Variants in NCOA7 observed in about 807,000 individuals in gnomAD.
NCOA7 encodes 140 kDa estrogen receptor-associated protein.
NCOA7 carries 45 observed loss-of-function variants against 104.3 expected under a neutral mutation model. The ratio of observed to expected loss-of-function variants is 0.43; its 90% confidence interval spans 0.34 to 0.55. The LOEUF (loss-of-function observed/expected upper bound fraction) is 0.55, where lower values mean the gene tolerates loss of function less well. Among genes scored for constraint, NCOA7 ranks in the 20% least tolerant of loss-of-function variants. The pLI is 0.02. For missense variants in NCOA7, 1,041 were observed against 1,119.7 expected, an observed-to-expected ratio of 0.93 and a Z score of 1.00; for synonymous variants, 398 against 402.3, an observed-to-expected ratio of 0.99 and a Z score of 0.13.
intron 2 of NCOA7, among the ~76,000 whole-genome samples, chr6:125,827,887 T>C (rs1178522166): frequency 6.6e-6 from 1 of 152,224 alleles, no homozygotes; most frequent in East Asian, 1.9e-4. Flanking sequence ...TTTAGGAATT[T>C]GGATTGAACA....
chr6:125,840,867 G>GTTTTTTTTTTTTTT (rs1305583308), intron 2 of NCOA7, among the ~76,000 whole-genome samples: 4 of 50,658 alleles, frequency 7.9e-5, no homozygotes, highest in Non-Finnish European at 1.1e-4. Context: ...TTGTTTGGTT[G>GTTTTTTTTTTTTTT]GTTTTTTTTT....
At chr6:125,834,471 C>T (rs1037505980) in intron 2 of NCOA7, among the ~76,000 whole-genome samples, 1 of 152,152 alleles carries the variant, frequency 6.6e-6, no homozygotes, top group African/African-American at 2.4e-5. Context: ...AAGCTAACTT[C>T]TTGGTAGAGG....
At chr6:125,809,909 AG>A (rs772450396) in intron 1 of NCOA7, among the ~76,000 whole-genome samples, 4 of 152,222 alleles carry the variant, frequency 2.6e-5, no homozygotes, top group Non-Finnish European at 4.4e-5. Flanking sequence ...GAATCCAAAA[AG>A]CCATGCTTTG....
intron 2 of NCOA7, among the ~76,000 whole-genome samples, chr6:125,847,013 A>G (rs1162765533): frequency 1.3e-5 from 2 of 152,242 alleles, no homozygotes; most frequent in East Asian, 1.9e-4. Flanking sequence ...AAAAAATTTG[A>G]CAATATTTGT....
rs376518871 is a variant in NCOA7 at position 125,926,132 on chromosome 6, G to A, written c.2524-1531G>A. Among the ~76,000 whole-genome samples, 975 of 152,130 alleles carry A rather than the reference G, an allele frequency of 6.4e-3. 16 individuals carry two copies. Among genetic ancestry groups the A allele is most frequent in the African/African-American group, 0.022 (908 of 41,492 alleles). ...TCCAGACCAGCCTGACCAACGTGGTGAAACCCCGTCTCTACTAAAAGTACA... is the reference window on the plus strand; with the variant it reads ...TCCAGACCAGCCTGACCAACGTGGTAAAACCCCGTCTCTACTAAAAGTACA... On this transcript the variant is annotated intron_variant, in intron 13 of 15. Coordinates refer to ENST00000392477, the MANE Select transcript of NCOA7 (RefSeq NM_181782.5).
chr6:125,793,928 C>T (rs1221198124), intron 1 of NCOA7, among the ~76,000 whole-genome samples: 3 of 152,158 alleles, frequency 2.0e-5, no homozygotes, highest in African/African-American at 7.2e-5. Context: ...TTTTCTGTTG[C>T]TAAATTTGAT....
chr6:125,886,038 C>A (rs965158762), intron 8 of NCOA7, among the ~76,000 whole-genome samples: 4 of 152,024 alleles, frequency 2.6e-5, no homozygotes, highest in African/African-American at 9.7e-5. Context: ...ACTGTCCTTT[C>A]GCTCTACTGT....
chr6:125,818,377 A>C (rs1478817401), intron 2 of NCOA7, among the ~76,000 whole-genome samples: 2 of 152,192 alleles, frequency 1.3e-5, no homozygotes, highest in African/African-American at 2.4e-5. Flanking sequence ...CTTGCTTATC[A>C]TGACCTCTTC....
intron 2 of NCOA7, chr6:125,818,810 T>G (rs777799441): frequency 6.6e-6 from 1 of 152,394 alleles, no homozygotes; most frequent in African/African-American, 2.4e-5. Flanking sequence ...CAGAACTTAC[T>G]TGAAAGCTGG....
chr6:125,792,063 A>G (rs1353864149), intron 1 of NCOA7, among the ~76,000 whole-genome samples: 1 of 152,186 alleles, frequency 6.6e-6, no homozygotes, highest in African/African-American at 2.4e-5. Context: ...CAGAATCTTG[A>G]ATCTGTTTTT....
chr6:125,816,564 G>C lies in NCOA7; in HGVS notation c.50+1160G>C, dbSNP rs1199364405. Among the ~76,000 whole-genome samples the C allele has an allele frequency of 2.0e-5, 3 of 152,260 alleles. No individual in the cohort carries two copies. The East Asian group carries it at 5.8e-4, about 29-fold the overall frequency. On this transcript the variant is annotated intron_variant, in intron 2 of 15. Transcript: ENST00000392477. ...TATTTTCTGCTATTATGACTACAGA[G>C]AGTAACCAGATTAGGGAAGGAAGAC...
chr6:125,881,415 G>C (rs1163400832), intron 6 of NCOA7, among the ~76,000 whole-genome samples: 1 of 152,058 alleles, frequency 6.6e-6, no homozygotes, highest in Non-Finnish European at 1.5e-5. Flanking sequence ...TCAGCCTGTA[G>C]TCCCAGCACT....
At chr6:125,807,555 T>A (rs1387945341) in intron 1 of NCOA7, among the ~76,000 whole-genome samples, 1 of 152,214 alleles carries the variant, frequency 6.6e-6, no homozygotes, top group Non-Finnish European at 1.5e-5. Context: ...CTCTCATTTC[T>A]TAGTACCTCA....
intron 11 of NCOA7, among the ~76,000 whole-genome samples, chr6:125,916,404 C>T (rs1042229189): frequency 2.0e-5 from 3 of 152,172 alleles, no homozygotes; most frequent in East Asian, 3.8e-4. Context: ...GTTTGCCAGA[C>T]CTCAGTTCCC....
At chr6:125,876,312 A>G (rs1032668468) in intron 4 of NCOA7, among the ~76,000 whole-genome samples, 4 of 152,244 alleles carry the variant, frequency 2.6e-5, no homozygotes, top group African/African-American at 9.6e-5. Context: ...AAAGTGTATA[A>G]GCATAGTCAT....
intron 2 of NCOA7, among the ~76,000 whole-genome samples, chr6:125,851,097 T>A (rs1562905014): frequency 6.6e-6 from 1 of 152,206 alleles, no homozygotes; most frequent in East Asian, 1.9e-4. Flanking sequence ...GATTTTTGGT[T>A]ATTTTTTTAT....
chr6:125,829,514 T>C (rs1778963639), intron 2 of NCOA7, among the ~76,000 whole-genome samples: 1 of 152,242 alleles, frequency 6.6e-6, no homozygotes, highest in Non-Finnish European at 1.5e-5. Context: ...TGATATACGT[T>C]GTGTTTGTTG....
intron 1 of NCOA7, among the ~76,000 whole-genome samples, chr6:125,792,386 A>G (rs1293199018): frequency 6.6e-6 from 1 of 152,234 alleles, no homozygotes; most frequent in African/African-American, 2.4e-5. Flanking sequence ...TAAGCTTGCA[A>G]AATTTCCAGT....
chr6:125,802,780 A>T (rs1234696863), intron 1 of NCOA7, among the ~76,000 whole-genome samples: 1 of 152,254 alleles, frequency 6.6e-6, no homozygotes, highest in East Asian at 1.9e-4. Flanking sequence ...CTTAAAAAGA[A>T]AAAGAACGTA....
Sources: gnomAD v4.1 joint callset for allele counts (sites outside exome capture counted in the v4.1 genomes callset) on GRCh38, gnomAD v4.1.1 for gene constraint, MANE v1.5 for transcripts, NCBI Gene and HGNC (gene_info 2026-07-23, HGNC 2026-07-21) for gene names.